Variants in EFHB observed in about 807,000 individuals in gnomAD.
The protein encoded by EFHB is EF-hand domain-containing family member B.
EFHB carries 91 observed loss-of-function variants against 87.2 expected under a neutral mutation model. The ratio of observed to expected loss-of-function variants is 1.04; its 90% CI spans 0.88 to 1.24. The LOEUF (loss-of-function observed/expected upper bound fraction) is 1.24, where lower values mean the gene tolerates loss of function less well. Ranked by LOEUF, EFHB falls within the 50% of genes most tolerant of loss-of-function variation. The pLI, the probability that EFHB is intolerant of heterozygous loss-of-function variation, is 0.00. For missense variants in EFHB, 1,084 were observed against 998.8 expected (o/e 1.09, Z -1.15); for synonymous variants, 325 against 333.6 (o/e 0.97, Z 0.28).
At chr3:19,946,581 T>C (rs1180176443) in intron 1 of EFHB, among the ~76,000 whole-genome samples, 1 of 152,194 alleles carries the variant, frequency 6.6e-6, no homozygotes, top group East Asian at 1.9e-4. Context: ...AAGGCGGCTT[T>C]TGGGATAGGG....
intron 9 of EFHB, among the ~76,000 whole-genome samples, chr3:19,892,235 G>T (rs181283582): frequency 1.3e-5 from 2 of 152,268 alleles, no homozygotes; most frequent in Middle Eastern, 3.4e-3. Flanking sequence ...ATTAGTCAAG[G>T]TATTCAATGA....
intron 12 of EFHB, among the ~76,000 whole-genome samples, chr3:19,880,677 C>T (rs1043884833): frequency 6.6e-6 from 1 of 152,096 alleles, no homozygotes; most frequent in African/African-American, 2.4e-5. Context: ...AAAAGCCAAG[C>T]ACACTGAAAA....
At chr3:19,911,598 AAG>A (rs1454824694) in intron 5 of EFHB, among the ~76,000 whole-genome samples, 1 of 151,884 alleles carries the variant, frequency 6.6e-6, no homozygotes, top group African/African-American at 2.4e-5. Flanking sequence ...CAAAAACAAA[AAG>A]AATCAAGCAG....
chr3:19,934,314 T>C, upstream of EFHB: 1 of 1,180,674 alleles, frequency 8.5e-7, no homozygotes, highest in Non-Finnish European at 1.1e-6. Context: ...TCTCTCTCTC[T>C]CAATCTCTCT....
intron 5 of EFHB, among the ~76,000 whole-genome samples, chr3:19,909,570 G>A (rs1694986291): frequency 2.6e-5 from 4 of 152,046 alleles, no homozygotes. Flanking sequence ...TAGGTGGTGG[G>A]ATACATGTCA....
intron 6 of EFHB, among the ~76,000 whole-genome samples, chr3:19,902,439 C>T (rs964110436): frequency 4.6e-5 from 7 of 152,140 alleles, no homozygotes; most frequent in Non-Finnish European, 8.8e-5. Context: ...ACTTAAACCT[C>T]CACCTCCCGG....
intron 9 of EFHB, chr3:19,896,399 G>A (rs894400704): frequency 9.3e-6 from 4 of 431,588 alleles, no homozygotes; most frequent in African/African-American, 8.1e-5. Context: ...CTACAAAAGG[G>A]GTCAGCAAAT....
intron 5 of EFHB, among the ~76,000 whole-genome samples, chr3:19,909,816 G>T (rs2931392): frequency 2.0e-5 from 3 of 151,958 alleles, no homozygotes; most frequent in Admixed American, 2.0e-4. Flanking sequence ...TGCAGATGAC[G>T]TTTCTAGACA....
chr3:19,908,536 AAAAG>A (rs1329087574), intron 5 of EFHB, among the ~76,000 whole-genome samples: 1 of 135,500 alleles, frequency 7.4e-6, no homozygotes, highest in East Asian at 2.0e-4. Context: ...CCGTCTCAAA[AAAAG>A]AAAGAAAGAG....
intron 1 of EFHB, among the ~76,000 whole-genome samples, chr3:19,920,839 G>A (rs1160007506): frequency 6.6e-6 from 1 of 152,136 alleles, no homozygotes; most frequent in Non-Finnish European, 1.5e-5. Flanking sequence ...CAGGAATTCT[G>A]TGACATGTTG....
rs377528277 is a variant in EFHB, at chr3:19,920,555, T to C, written c.802A>G (p.Ile268Val). ...GTTGCAACTCTGTAACCAACTGGAA[T>C]AACTTTTCCTGCCTTTGGGGGAAAA... is the stretch of plus-strand genomic sequence containing the variant. ...TPCWPSAGKV[I>V]PVGYRVATCL... Residue 268 changes from isoleucine (I) to valine (V), a missense_variant, in exon 2 of 13, where the codon ATT (isoleucine) becomes GTT (valine). Ile to Val is a conservative substitution (Grantham distance 29). Transcript: ENST00000295824. The C allele has an allele frequency of 3.1e-6, 5 of 1,597,562 alleles. No homozygotes were observed. The African/African-American group carries it at 6.8e-5, about 22-fold the overall frequency.
chr3:19,920,908 T>G (rs75035524), intron 1 of EFHB, among the ~76,000 whole-genome samples: 4,356 of 152,258 alleles, frequency 0.029, 205 homozygotes, highest in African/African-American at 0.099. Flanking sequence ...TTCATTGTTC[T>G]ATATAACAGT....
At chr3:19,880,723 T>C (rs1434395500) in intron 12 of EFHB, among the ~76,000 whole-genome samples, 2 of 152,086 alleles carry the variant, frequency 1.3e-5, no homozygotes, top group African/African-American at 4.8e-5. Context: ...CTCTCTACAG[T>C]GATAATTATT....
intron 1 of EFHB, among the ~76,000 whole-genome samples, chr3:19,923,341 G>A (rs1288695821): frequency 6.6e-6 from 1 of 151,558 alleles, no homozygotes; most frequent in African/African-American, 2.4e-5. Flanking sequence ...TTTCTTTGTA[G>A]TACCTAATGT....
chr3:19,886,457 A>T (rs999301980), intron 10 of EFHB, among the ~76,000 whole-genome samples: 3 of 152,154 alleles, frequency 2.0e-5, no homozygotes, highest in African/African-American at 7.2e-5. Flanking sequence ...ACAAAAATTA[A>T]GGTAGGCTGG....
chr3:19,936,076 A>G (rs1004216923), upstream of EFHB: 20 of 1,302,870 alleles, frequency 1.5e-5, no homozygotes, highest in African/African-American at 2.6e-4. Flanking sequence ...GAACTCTACA[A>G]AAACCCCTTA....
chr3:19,925,993 C>A (rs1006036231), intron 1 of EFHB, among the ~76,000 whole-genome samples: 1 of 152,162 alleles, frequency 6.6e-6, no homozygotes, highest in East Asian at 1.9e-4. Context: ...ATAAAAACAT[C>A]CAATTCCCAG....
chr3:19,928,965 C>T (rs1004280408), intron 1 of EFHB, among the ~76,000 whole-genome samples: 24 of 151,480 alleles, frequency 1.6e-4, no homozygotes, highest in African/African-American at 5.8e-4. Flanking sequence ...GGTGACCACA[C>T]ACAAGGATTA....
chr3:19,881,047 T>G (rs2071664195), intron 12 of EFHB, among the ~76,000 whole-genome samples: 1 of 152,172 alleles, frequency 6.6e-6, no homozygotes, highest in South Asian at 2.1e-4. Flanking sequence ...TTGTGGGAAA[T>G]TAGTGTAATT....
Sources: gnomAD v4.1 joint callset for allele counts (sites outside exome capture counted in the v4.1 genomes callset) on GRCh38, gnomAD v4.1.1 for gene constraint, MANE v1.5 for transcripts, NCBI Gene and HGNC (gene_info 2026-07-23, HGNC 2026-07-21) for gene names.